The following STAP1 variants were observed in gnomAD, a reference collection of about 807,000 sequenced individuals.
The protein encoded by STAP1 is signal-transducing adaptor protein 1.
STAP1 carries 30 observed loss-of-function variants against 37.8 expected under a neutral mutation model. That is an observed-to-expected ratio of 0.79 (90% CI 0.59 to 1.08). The LOEUF is 1.08. Among genes scored for constraint, STAP1 ranks in the 50% least tolerant of loss-of-function variants. The probability of loss-of-function intolerance (pLI) is 0.00; values close to 1 mark genes in which losing one functional copy is unlikely to be tolerated. For synonymous variants in STAP1, 130 were observed against 116.0 expected (o/e 1.12, Z -0.78); for missense variants, 357 against 349.4 (o/e 1.02, Z -0.17).
At chr4:67,563,835 A>G (rs1196228835) in intron 1 of STAP1, among the ~76,000 whole-genome samples, 1 of 152,172 alleles carries the variant, frequency 6.6e-6, no homozygotes, top group Non-Finnish European at 1.5e-5. Context: ...CTCAAACTCA[A>G]ATTCTACCAT....
chr4:67,564,540 C>T (rs1373908693), intron 1 of STAP1, among the ~76,000 whole-genome samples: 3 of 152,060 alleles, frequency 2.0e-5, no homozygotes, highest in Admixed American at 6.6e-5. Context: ...CTGATTAGGA[C>T]GATGAACAGA....
At chr4:67,563,635 C>G (rs1266160067) in intron 1 of STAP1, among the ~76,000 whole-genome samples, 1 of 152,064 alleles carries the variant, frequency 6.6e-6, no homozygotes, top group Non-Finnish European at 1.5e-5. Flanking sequence ...CCCAGGAGTT[C>G]GAGGCTGCAG....
intron 1 of STAP1, among the ~76,000 whole-genome samples, chr4:67,559,693 C>A (rs931001175): frequency 6.6e-6 from 1 of 151,892 alleles, no homozygotes. Context: ...ATAAAAAAAT[C>A]ATTAAGTTAG....
intron 6 of STAP1, among the ~76,000 whole-genome samples, chr4:67,590,534 T>G (rs1369853372): frequency 1.3e-5 from 2 of 152,196 alleles, no homozygotes; most frequent in Non-Finnish European, 2.9e-5. Flanking sequence ...TATACCTACA[T>G]AGAATTTTAT....
At chr4:67,565,412 A>T (rs114978073) in intron 1 of STAP1, among the ~76,000 whole-genome samples, 1 of 152,158 alleles carries the variant, frequency 6.6e-6, no homozygotes, top group Non-Finnish European at 1.5e-5. Flanking sequence ...CCTCCTTCTC[A>T]TACATATTAC....
intron 7 of STAP1, 148 bp from the exon 8 acceptor site, chr4:67,593,112 G>A (rs1728155266): frequency 1.9e-6 from 1 of 531,612 alleles, no homozygotes. Flanking sequence ...GGATAAATAA[G>A]ACACAGGGAT....
intron 7 of STAP1, among the ~76,000 whole-genome samples, chr4:67,592,150 C>A (rs1728132589): frequency 6.6e-6 from 1 of 151,170 alleles, no homozygotes; most frequent in Non-Finnish European, 1.5e-5. Context: ...AGACAGGGGT[C>A]TTGCTGTGTT....
intron 6 of STAP1, among the ~76,000 whole-genome samples, chr4:67,590,419 T>C (rs1728094042): frequency 6.6e-6 from 1 of 152,138 alleles, no homozygotes; most frequent in Non-Finnish European, 1.5e-5. Flanking sequence ...ATAACAGCTA[T>C]TGAGGGGTTT....
Position 67,575,373 on chromosome 4 carries a change from T to C in STAP1, c.193-12T>C, listed in dbSNP as rs2306810. The C allele has an allele frequency of 0.24, 370,768 of 1,539,896 alleles. 47,270 individuals are homozygous for C. Among genetic ancestry groups the C allele is most frequent in the Non-Finnish European group, 0.26 (298,777 of 1,138,962 alleles). On this transcript the variant is annotated splice_polypyrimidine_tract_variant and intron_variant, in intron 2 of 8. Transcript: ENST00000265404. ...TGAAATAATGTAATGTGATCTTCCT[T>C]TATCTTTGCAGTATGTTGACAAATT...
intron 1 of STAP1, among the ~76,000 whole-genome samples, chr4:67,570,670 A>C (rs1178635941): frequency 1.3e-5 from 2 of 151,206 alleles, no homozygotes; most frequent in African/African-American, 4.9e-5. Context: ...AAAAGAAAGA[A>C]AAGAAAAGAA....
At chr4:67,571,214 T>C (rs1385759365) in intron 2 of STAP1, 59 bp downstream of exon 2, 1 of 1,173,044 alleles carries the variant, frequency 8.5e-7, no homozygotes, top group Admixed American at 2.1e-5. Context: ...TCACATAGCA[T>C]ATTATTCATT....
intron 7 of STAP1, among the ~76,000 whole-genome samples, chr4:67,591,695 T>G (rs1313275503): frequency 6.6e-6 from 1 of 152,216 alleles, no homozygotes; most frequent in African/African-American, 2.4e-5. Flanking sequence ...CTAGTTCCTC[T>G]GCTTCTCCAG....
chr4:67,586,793 G>A lies in STAP1; in HGVS notation c.659+3091G>A, dbSNP rs1727995023. ...CATATAGAAATTCATGCTTTTGTTA[G>A]CTGATGGTCATCAAAACTTACAACA... On this transcript the variant is annotated intron_variant, in intron 6 of 8. Transcript: ENST00000265404. 2.0e-5 allele frequency among the ~76,000 whole-genome samples: 3 copies of A among 152,262 alleles called. 1 individual carries two copies. In the South Asian group the frequency reaches 6.2e-4, roughly 32 times the overall value.
In STAP1 at chr4:67,558,812, G is replaced by GA; in HGVS notation, c.4dup (p.Met2AsnfsTer3). 1 of 1,612,914 alleles carries GA rather than the reference G, an allele frequency of 6.2e-7. No homozygotes were observed. Among genetic ancestry groups the GA allele is most frequent in the South Asian group, 1.1e-5 (1 of 90,930 alleles). On this transcript the variant is annotated frameshift_variant, in exon 1 of 9. Coordinates refer to ENST00000265404, the MANE Select transcript of STAP1 (RefSeq NM_012108.4). LOFTEE classifies it high-confidence loss of function. Reference sequence around the variant, plus strand: ...AACCACACACCAAAGAGAGGGGTATGATGGCTAAGAAGCCCCCAAAACCAG... The same window carrying GA: ...AACCACACACCAAAGAGAGGGGTATGAATGGCTAAGAAGCCCCCAAAACCAG...
Position 67,606,331 on chromosome 4 carries a change from T to C in STAP1, c.862T>C (p.Leu288=), listed in dbSNP as rs757970699. 3 of 1,611,778 alleles carry C rather than the reference T, an allele frequency of 1.9e-6. No homozygotes were observed. Among genetic ancestry groups the C allele is most frequent in the East Asian group, 2.2e-5 (1 of 44,688 alleles). The change falls in exon 9 of 9, where the codon TTG becomes CTG. Residue 288 remains leucine (L), a synonymous_variant. Transcript: ENST00000265404. ...CAGTATGGAAGGGAGAAGTGAAAAG[T>C]TGAAGAAAAATCCACACATTGCATG... ...EPSMEGRSEK[L]KKNPHIA is the part of the protein sequence containing the mutation.
At chr4:67,571,324 G>T (rs979469571) in intron 2 of STAP1, among the ~76,000 whole-genome samples, 169 bp downstream of exon 2, 1 of 152,116 alleles carries the variant, frequency 6.6e-6, no homozygotes, top group African/African-American at 2.4e-5. Context: ...CAGGAACGAT[G>T]GTAAATTTTC....
At chr4:67,562,829 G>A (rs930589006) in intron 1 of STAP1, among the ~76,000 whole-genome samples, 16 of 151,578 alleles carry the variant, frequency 1.1e-4, no homozygotes, top group South Asian at 2.1e-4. Context: ...ATATATTCCC[G>A]TACTATTAAT....
chr4:67,566,200 G>A (rs1481194663), intron 1 of STAP1, among the ~76,000 whole-genome samples: 7 of 151,746 alleles, frequency 4.6e-5, no homozygotes, highest in East Asian at 1.9e-4. Context: ...TTCCCGCCTC[G>A]GCCTCCCAAA....
At chr4:67,575,331 C>T (rs1026714839) in intron 2 of STAP1, 54 bp from the exon 3 acceptor site, 37 of 1,215,276 alleles carry the variant, frequency 3.0e-5, no homozygotes, top group Admixed American at 1.0e-4. Context: ...CCTGCTAGAA[C>T]TAATGTGTAT....
Sources: allele counts gnomAD v4.1 joint callset (sites outside exome capture counted in the v4.1 genomes callset), GRCh38; gene constraint gnomAD v4.1.1; transcripts MANE v1.5; gene names NCBI Gene and HGNC (gene_info 2026-07-23, HGNC 2026-07-21).